Variants in DOCK3 observed in about 807,000 individuals in gnomAD.
The protein encoded by DOCK3 is dedicator of cytokinesis protein 3.
Under a neutral mutation model 265.6 loss-of-function variants are expected in DOCK3, and 60 were observed. The ratio of observed to expected loss-of-function variants is 0.23; its 90% confidence interval spans 0.18 to 0.28. The LOEUF is 0.28. Among genes scored for constraint, DOCK3 ranks in the 10% least tolerant of loss-of-function variants. The probability of loss-of-function intolerance (pLI) is 1.00; values close to 1 mark genes in which losing one functional copy is unlikely to be tolerated. For synonymous variants in DOCK3, 881 were observed against 938.0 expected (o/e 0.94, Z 1.11); for missense variants, 1,981 against 2,594.3 (o/e 0.76, Z 5.14).
Position 51,281,913 on chromosome 3 carries a change from A to G in DOCK3, c.2922+1709A>G, listed in dbSNP as rs559325941. On this transcript the variant is annotated intron_variant, in intron 27 of 52. Coordinates refer to ENST00000266037, the MANE Select transcript of DOCK3 (RefSeq NM_004947.5). ...AGGAGTTCGATGTCGCAAAAGATCT[A>G]CACTGAGACAAAGGATTCCTCAGCA... Among the ~76,000 whole-genome samples, 3 of 152,280 alleles carry G rather than the reference A, an allele frequency of 2.0e-5. No homozygotes were observed. The East Asian group carries it at 5.8e-4, about 29-fold the overall frequency.
intron 21 of DOCK3, among the ~76,000 whole-genome samples, chr3:51,240,600 A>G (rs1027129588): frequency 6.6e-6 from 1 of 152,202 alleles, no homozygotes; most frequent in African/African-American, 2.4e-5. Context: ...AACTTCCTTT[A>G]TGAATCTAGG....
intron 3 of DOCK3, among the ~76,000 whole-genome samples, chr3:50,844,137 G>A (rs1360012547): frequency 6.6e-6 from 1 of 152,118 alleles, no homozygotes; most frequent in Admixed American, 6.5e-5. Context: ...AGTCGTTTAT[G>A]ATTTATACTA....
intron 5 of DOCK3, among the ~76,000 whole-genome samples, chr3:50,970,126 C>T (rs1226380284): frequency 6.6e-6 from 1 of 152,116 alleles, no homozygotes. Context: ...AGGACCCAGT[C>T]TCTTCTGGCT....
intron 27 of DOCK3, among the ~76,000 whole-genome samples, chr3:51,305,718 G>GTC (rs200214758): frequency 3.1e-4 from 13 of 42,098 alleles, no homozygotes; most frequent in African/African-American, 1.3e-3. Flanking sequence ...GTGTGTGTCT[G>GTC]TGTGTGTGTG....
At chr3:51,380,071 C>A in intron 51 of DOCK3, 54 bp from the exon 52 acceptor site, 1 of 1,552,506 alleles carries the variant, frequency 6.4e-7, no homozygotes, top group Non-Finnish European at 8.8e-7. Flanking sequence ...ATGGTGCTGG[C>A]ATGAAGTCTG....
chr3:51,113,689 C>T (rs1031564147), intron 9 of DOCK3, among the ~76,000 whole-genome samples: 1 of 152,168 alleles, frequency 6.6e-6, no homozygotes, highest in Admixed American at 6.5e-5. Context: ...ATCCCTCATA[C>T]CCCAACACTG....
chr3:51,368,430 C>T (rs894998611), intron 49 of DOCK3, among the ~76,000 whole-genome samples: 2 of 152,210 alleles, frequency 1.3e-5, no homozygotes, highest in African/African-American at 4.8e-5. Flanking sequence ...CTCAGGGGAT[C>T]CCACACCCAT....
chr3:51,029,179 G>T (rs1422867866), intron 5 of DOCK3, among the ~76,000 whole-genome samples: 1 of 152,060 alleles, frequency 6.6e-6, no homozygotes, highest in Non-Finnish European at 1.5e-5. Flanking sequence ...CCAAGGTTTT[G>T]TATGGGTTCC....
At chr3:51,087,373 A>G (rs750528778) in intron 7 of DOCK3, among the ~76,000 whole-genome samples, 3 of 152,244 alleles carry the variant, frequency 2.0e-5, no homozygotes, top group Non-Finnish European at 4.4e-5. Flanking sequence ...TGACAGAATG[A>G]AGGACAAAAA....
At chr3:51,252,192 C>A (rs748014105) in intron 22 of DOCK3, among the ~76,000 whole-genome samples, 1 of 152,060 alleles carries the variant, frequency 6.6e-6, no homozygotes, top group Non-Finnish European at 1.5e-5. Flanking sequence ...TATTATTTCT[C>A]AGGGCTCTAT....
chr3:51,347,933 C>T (rs932375271), intron 38 of DOCK3, among the ~76,000 whole-genome samples: 1 of 152,130 alleles, frequency 6.6e-6, no homozygotes, highest in Non-Finnish European at 1.5e-5. Context: ...CAATTTGGCT[C>T]TCTGTTTGTC....
At chr3:50,701,252 G>A (rs2036023025) in intron 1 of DOCK3, among the ~76,000 whole-genome samples, 2 of 151,326 alleles carry the variant, frequency 1.3e-5, no homozygotes, top group African/African-American at 2.4e-5. Flanking sequence ...TGAGTAGCTA[G>A]GACAACAGGT....
At chr3:50,706,795 T>G (rs892594501) in intron 1 of DOCK3, among the ~76,000 whole-genome samples, 1 of 152,128 alleles carries the variant, frequency 6.6e-6, no homozygotes, top group Non-Finnish European at 1.5e-5. Context: ...ATATTCTTTT[T>G]TTTTTGATCT....
At position 50,989,702 on chromosome 3, in the gene DOCK3, A is replaced by G. The variant is rs556254470; in HGVS notation, c.315+55625A>G. 2.6e-5 allele frequency among the ~76,000 whole-genome samples: 4 copies of G among 152,330 alleles called. No homozygotes were observed. In the South Asian group the frequency reaches 8.3e-4, roughly 32 times the overall value. ...AGGAACACCCACATGCAGAGATGAG[A>G]AAGAACCAATGTAAGAACTCTGGTA... On this transcript the variant is annotated intron_variant, in intron 5 of 52. Coordinates refer to ENST00000266037, the MANE Select transcript of DOCK3 (RefSeq NM_004947.5).
At chr3:51,025,678 C>T (rs1337310720) in intron 5 of DOCK3, among the ~76,000 whole-genome samples, 1 of 152,186 alleles carries the variant, frequency 6.6e-6, no homozygotes, top group African/African-American at 2.4e-5. Flanking sequence ...GCTGCATTTA[C>T]CCTGTGAATT....
intron 1 of DOCK3, among the ~76,000 whole-genome samples, chr3:50,760,639 G>A (rs2675774): frequency 0.094 from 14,351 of 152,190 alleles, 836 homozygotes; most frequent in Non-Finnish European, 0.12. Flanking sequence ...TATTTTAAAT[G>A]AATTTTCAAT....
At chr3:51,377,014 T>A (rs770498619) in intron 51 of DOCK3, among the ~76,000 whole-genome samples, 7 of 152,252 alleles carry the variant, frequency 4.6e-5, no homozygotes, top group Non-Finnish European at 1.0e-4. Context: ...CAGTGGCATT[T>A]CTTCAGCTGA....
chr3:50,999,999 G>C (rs960515931), intron 5 of DOCK3, among the ~76,000 whole-genome samples: 1 of 152,146 alleles, frequency 6.6e-6, no homozygotes, highest in African/African-American at 2.4e-5. Context: ...TCAACACCTA[G>C]TTAGGCTCAC....
chr3:50,839,562 T>C (rs754646923), intron 2 of DOCK3, among the ~76,000 whole-genome samples: 3 of 152,164 alleles, frequency 2.0e-5, no homozygotes, highest in Non-Finnish European at 4.4e-5. Context: ...ATCTCATTGT[T>C]GTTTTAATTT....
Sources: allele counts gnomAD v4.1 joint callset (sites outside exome capture counted in the v4.1 genomes callset), GRCh38; gene constraint gnomAD v4.1.1; transcripts MANE v1.5; gene names NCBI Gene and HGNC (gene_info 2026-07-23, HGNC 2026-07-21).